Variants in LUZP2 observed in about 807,000 individuals in gnomAD.
The protein encoded by LUZP2 is leucine zipper protein 2.
Under a neutral mutation model 51.6 loss-of-function variants are expected in LUZP2, and 52 were observed. The observed-to-expected ratio is 1.01, with a 90% CI of 0.81 to 1.27. LUZP2 has a LOEUF of 1.27. Ranked by LOEUF, LUZP2 falls within the 50% of genes most tolerant of loss-of-function variation. The pLI is 0.00. For missense variants in LUZP2, 436 were observed against 395.4 expected, an observed-to-expected ratio of 1.10 and a Z score of -0.87; for synonymous variants, 154 against 137.3, an observed-to-expected ratio of 1.12 and a Z score of -0.85.
At chr11:24,578,522 G>A (rs1225972263) in intron 1 of LUZP2, among the ~76,000 whole-genome samples, 1 of 151,466 alleles carries the variant, frequency 6.6e-6, no homozygotes, top group African/African-American at 2.4e-5. Flanking sequence ...TAGCAAAGAT[G>A]TGGAGTCACC....
chr11:25,007,652 G>A (rs1332710852), intron 9 of LUZP2, among the ~76,000 whole-genome samples: 1 of 152,000 alleles, frequency 6.6e-6, no homozygotes, highest in Non-Finnish European at 1.5e-5. Context: ...ATTAAATGGT[G>A]AATCCAGGGT....
chr11:24,866,886 C>T (rs1252037412), intron 5 of LUZP2, among the ~76,000 whole-genome samples: 1 of 152,006 alleles, frequency 6.6e-6, no homozygotes, highest in East Asian at 1.9e-4. Context: ...ATGAGAGAGC[C>T]ACCGTAACAG....
chr11:24,534,612 A>T (rs1851114381), intron 1 of LUZP2, among the ~76,000 whole-genome samples: 1 of 151,436 alleles, frequency 6.6e-6, no homozygotes, highest in Admixed American at 6.6e-5. Flanking sequence ...GTAAGAAGAT[A>T]ATTTAATATT....
At chr11:24,751,664 T>A in intron 4 of LUZP2, 2 of 690,638 alleles carry the variant, frequency 2.9e-6, no homozygotes, top group Non-Finnish European at 3.6e-6. Context: ...CAGCCATCAT[T>A]GGCCCTTTTC....
chr11:25,037,966 G>A (rs907238012), intron 9 of LUZP2, among the ~76,000 whole-genome samples: 2 of 151,914 alleles, frequency 1.3e-5, no homozygotes, highest in Admixed American at 1.3e-4. Context: ...ATGGTCTCTG[G>A]CTGAGGTTCT....
chr11:25,008,247 G>A (rs1159069262), intron 9 of LUZP2, among the ~76,000 whole-genome samples: 3 of 152,210 alleles, frequency 2.0e-5, no homozygotes, highest in Admixed American at 2.0e-4. Context: ...AGATGTGCTG[G>A]AGGAGGTTTT....
chr11:24,983,201 C>G lies in LUZP2; in HGVS notation c.673C>G (p.Pro225Ala), dbSNP rs200569816. 4.0e-5 allele frequency: 65 copies of G among 1,612,272 alleles called. No homozygotes were observed. Among genetic ancestry groups the G allele is most frequent in the South Asian group, 2.4e-4 (22 of 91,028 alleles). The stretch of plus-strand genomic sequence containing the variant: ...TGTTTTCCGTGATCAGCCTCCTCCC[C>G]CTTTGAGTTTAATCACATCAAATCC... ...TSVFRDQPPP[P>A]LSLITSNPTR... is the part of the protein sequence containing the mutation. The change falls in exon 9 of 12, where the codon CCT becomes GCT. Residue 225 changes from proline to alanine, a missense_variant. Physicochemically the swap from Pro to Ala is conservative, Grantham distance 27. Coordinates refer to ENST00000336930, the MANE Select transcript of LUZP2 (RefSeq NM_001009909.4).
intron 7 of LUZP2, among the ~76,000 whole-genome samples, chr11:24,958,289 A>T (rs1855272274): frequency 6.6e-6 from 1 of 152,194 alleles, no homozygotes; most frequent in South Asian, 2.1e-4. Flanking sequence ...GGCTGGGTCA[A>T]ATGGCATTTC....
chr11:24,693,791 A>G (rs531935723), intron 1 of LUZP2, among the ~76,000 whole-genome samples: 16 of 152,162 alleles, frequency 1.1e-4, no homozygotes, highest in Non-Finnish European at 1.6e-4. Flanking sequence ...AATACATTTA[A>G]AAGCTGAATA....
intron 8 of LUZP2, among the ~76,000 whole-genome samples, chr11:24,979,591 C>T (rs1475060279): frequency 6.6e-6 from 1 of 151,842 alleles, no homozygotes; most frequent in Non-Finnish European, 1.5e-5. Flanking sequence ...AAAGAAGTCT[C>T]AGTTTAGTAT....
At chr11:24,853,006 T>C (rs987247641) in intron 5 of LUZP2, among the ~76,000 whole-genome samples, 2 of 152,186 alleles carry the variant, frequency 1.3e-5, no homozygotes, top group African/African-American at 4.8e-5. Flanking sequence ...AGCACACCGA[T>C]TGGTCTTGAC....
intron 7 of LUZP2, among the ~76,000 whole-genome samples, chr11:24,942,120 T>C (rs957169461): frequency 6.6e-6 from 1 of 152,194 alleles, no homozygotes; most frequent in Non-Finnish European, 1.5e-5. Flanking sequence ...AGCTAACTGA[T>C]TGGCATTTTC....
intron 1 of LUZP2, among the ~76,000 whole-genome samples, chr11:24,503,964 C>G (rs1325053449): frequency 6.8e-6 from 1 of 147,512 alleles, no homozygotes; most frequent in Non-Finnish European, 1.5e-5. Flanking sequence ...AGTTGAACAT[C>G]CTGTGTTTAG....
intron 1 of LUZP2, among the ~76,000 whole-genome samples, chr11:24,567,934 A>G (rs1009539817): frequency 6.6e-6 from 1 of 152,128 alleles, no homozygotes; most frequent in African/African-American, 2.4e-5. Flanking sequence ...ATAAAAGACA[A>G]TATTTACATA....
At chr11:24,815,618 G>C (rs961353666) in intron 5 of LUZP2, among the ~76,000 whole-genome samples, 6 of 152,174 alleles carry the variant, frequency 3.9e-5, no homozygotes, top group African/African-American at 1.4e-4. Flanking sequence ...GCCCCTTAAA[G>C]CAGTAGTATC....
chr11:24,666,225 A>G (rs1856207857), intron 1 of LUZP2, among the ~76,000 whole-genome samples: 1 of 152,168 alleles, frequency 6.6e-6, no homozygotes, highest in Admixed American at 6.5e-5. Flanking sequence ...AAGTCGATCA[A>G]TGGGAACTAT....
intron 9 of LUZP2, among the ~76,000 whole-genome samples, chr11:25,005,369 C>A (rs370135592): frequency 2.6e-5 from 4 of 152,220 alleles, no homozygotes; most frequent in African/African-American, 9.6e-5. Context: ...GTATCTCACT[C>A]CATTTGCCTT....
At chr11:25,048,794 A>C (rs1367701955) in intron 9 of LUZP2, among the ~76,000 whole-genome samples, 2 of 151,878 alleles carry the variant, frequency 1.3e-5, no homozygotes, top group African/African-American at 4.8e-5. Context: ...GGTATAAATT[A>C]AGAAGAATGT....
intron 1 of LUZP2, among the ~76,000 whole-genome samples, chr11:24,593,695 G>T (rs914345799): frequency 2.0e-5 from 3 of 152,124 alleles, no homozygotes; most frequent in African/African-American, 7.2e-5. Context: ...AACAGTACCC[G>T]CAGTGAGGAT....
Sources: allele counts gnomAD v4.1 joint callset (sites outside exome capture counted in the v4.1 genomes callset), GRCh38; gene constraint gnomAD v4.1.1; transcripts MANE v1.5; gene names NCBI Gene and HGNC (gene_info 2026-07-23, HGNC 2026-07-21).